Variants in ANKFY1 observed in about 807,000 individuals in gnomAD.
The protein encoded by ANKFY1 is ankyrin repeat and FYVE domain-containing protein 1.
Under a neutral mutation model 128.3 loss-of-function variants are expected in ANKFY1, and 47 were observed. The ratio of observed to expected loss-of-function variants is 0.37; its 90% CI spans 0.29 to 0.47. The LOEUF is 0.47. Among genes scored for constraint, ANKFY1 ranks in the 20% least tolerant of loss-of-function variants. The pLI is 1.00. For synonymous variants in ANKFY1, 553 were observed against 601.6 expected (o/e 0.92, Z 1.18); for missense variants, 1,222 against 1,510.6 (o/e 0.81, Z 3.17).
intron 11 of ANKFY1, among the ~76,000 whole-genome samples, chr17:4,185,985 A>C (rs918355958): frequency 5.3e-5 from 8 of 152,140 alleles, no homozygotes; most frequent in Non-Finnish European, 7.3e-5. Context: ...TACTTTTAAA[A>C]GTTAAAAATA....
intron 3 of ANKFY1, among the ~76,000 whole-genome samples, chr17:4,224,065 A>G (rs11650720): frequency 6.6e-6 from 1 of 152,016 alleles, no homozygotes; most frequent in Non-Finnish European, 1.5e-5. Context: ...TTTTTAAAAC[A>G]TAGTTACCTT....
At chr17:4,182,400 C>A in intron 14 of ANKFY1, 51 bp from the exon 15 acceptor site, 1 of 1,442,350 alleles carries the variant, frequency 6.9e-7, no homozygotes, top group South Asian at 1.6e-5. Context: ...ACCCAAAGCA[C>A]AGAAGGTGCC....
intron 10 of ANKFY1, among the ~76,000 whole-genome samples, chr17:4,192,125 C>G (rs2059727995): frequency 7.7e-6 from 1 of 129,036 alleles, no homozygotes; most frequent in Non-Finnish European, 1.7e-5. Flanking sequence ...TTGATGGTTA[C>G]TCTAATCTGG....
intron 8 of ANKFY1, among the ~76,000 whole-genome samples, chr17:4,195,858 C>A (rs916214741): frequency 6.6e-6 from 1 of 152,072 alleles, no homozygotes; most frequent in East Asian, 1.9e-4. Flanking sequence ...TCTTCTCAAA[C>A]ACACTCAGAG....
At chr17:4,223,433 T>A (rs895980219) in intron 3 of ANKFY1, 1 of 1,324,756 alleles carries the variant, frequency 7.5e-7, no homozygotes, top group Non-Finnish European at 1.1e-6. Flanking sequence ...TGCTAGGAAC[T>A]GTATCACTGA....
intron 17 of ANKFY1, chr17:4,179,494 T>C (rs531865129): frequency 1.7e-5 from 10 of 588,562 alleles, no homozygotes; most frequent in East Asian, 8.6e-5. Context: ...TAAGGGGGAA[T>C]AGGAGGCAAA....
chr17:4,237,637 T>A (rs1323642938), intron 2 of ANKFY1, among the ~76,000 whole-genome samples: 1 of 152,206 alleles, frequency 6.6e-6, no homozygotes, highest in Non-Finnish European at 1.5e-5. Context: ...ACCACATTCA[T>A]GAATGTCAGG....
At chr17:4,246,157 A>C (rs1031040410) in intron 1 of ANKFY1, among the ~76,000 whole-genome samples, 10 of 152,244 alleles carry the variant, frequency 6.6e-5, no homozygotes, top group African/African-American at 1.9e-4. Context: ...TAGGGGATAC[A>C]AATGGAGTGT....
At chr17:4,227,972 A>G (rs2060452496) in intron 3 of ANKFY1, among the ~76,000 whole-genome samples, 1 of 152,212 alleles carries the variant, frequency 6.6e-6, no homozygotes, top group Non-Finnish European at 1.5e-5. Flanking sequence ...GTTTCTTAAC[A>G]TTAAACAGTC....
intron 11 of ANKFY1, among the ~76,000 whole-genome samples, chr17:4,185,787 A>C (rs2059600591): frequency 6.6e-6 from 1 of 152,196 alleles, no homozygotes; most frequent in Admixed American, 6.5e-5. Flanking sequence ...ACGACAGAAC[A>C]ATAACAAGCT....
At chr17:4,180,030 G>T in intron 16 of ANKFY1, 153 bp from the exon 17 acceptor site, 1 of 938,722 alleles carries the variant, frequency 1.1e-6, no homozygotes, top group Non-Finnish European at 1.6e-6. Flanking sequence ...AAATACCAGA[G>T]TCGGGGTTCC....
chr17:4,212,566 G>GA (rs1328188005), intron 4 of ANKFY1, among the ~76,000 whole-genome samples: 1 of 152,182 alleles, frequency 6.6e-6, no homozygotes, highest in Non-Finnish European at 1.5e-5. Context: ...CTTTACTAAG[G>GA]AAAAATCACA....
In ANKFY1 at chr17:4,197,502, G is replaced by A; in HGVS notation, c.974C>T (p.Thr325Ile). ...VNAATLGAQE[T>I]PLHLVALYSS... ...GTACAAGGCCACAAGGTGCAGTGGT[G>A]TCTCCTGGGCACCCAGTGTAGCAGC... Residue 325 changes from threonine (T) to isoleucine (I), a missense_variant, in exon 8 of 25, where the codon ACA (threonine) becomes ATA (isoleucine). Thr to Ile is a moderately conservative substitution (Grantham distance 89). Coordinates refer to ENST00000341657, the MANE Select transcript of ANKFY1 (RefSeq NM_001330063.2). 2 of 1,614,202 alleles carry A rather than the reference G, an allele frequency of 1.2e-6. No homozygotes were observed. Among genetic ancestry groups the A allele is most frequent in the Non-Finnish European group, 1.7e-6 (2 of 1,180,044 alleles).
intron 1 of ANKFY1, among the ~76,000 whole-genome samples, chr17:4,254,742 C>T (rs1348951245): frequency 1.3e-5 from 2 of 152,192 alleles, no homozygotes; most frequent in Non-Finnish European, 2.9e-5. Flanking sequence ...GTGTCAACAT[C>T]ATTCTATGGA....
rs529196360 is a variant in ANKFY1 at position 4,170,939 on chromosome 17, C to G, written c.3140-78G>C. The G allele has an allele frequency of 2.6e-4, 417 of 1,601,504 alleles. 3 individuals carry two copies. In the African/African-American group the frequency reaches 4.9e-3, roughly 19 times the overall value. On this transcript the variant is annotated intron_variant, in intron 22 of 24. Transcript: ENST00000341657. The stretch of plus-strand genomic sequence containing the variant: ...GCCACAGACGGAGGGCGGAGGACAG[C>G]CAAGGGCAGAACAGACCGCTGGCAG...
chr17:4,263,819 G>C, intron 1 of ANKFY1, 113 bp downstream of exon 1: 5 of 1,608,374 alleles, frequency 3.1e-6, no homozygotes, highest in Non-Finnish European at 3.4e-6. Context: ...CGCGAGACCC[G>C]CGGAGCCCCC....
At chr17:4,172,071 C>T (rs926608925) in intron 22 of ANKFY1, among the ~76,000 whole-genome samples, 1 of 152,212 alleles carries the variant, frequency 6.6e-6, no homozygotes, top group Non-Finnish European at 1.5e-5. Flanking sequence ...CGAATGAACA[C>T]AGTGATCACG....
chr17:4,241,099 T>C (rs1967187463), intron 2 of ANKFY1, among the ~76,000 whole-genome samples: 1 of 152,188 alleles, frequency 6.6e-6, no homozygotes, highest in Non-Finnish European at 1.5e-5. Flanking sequence ...GCGCTTACTA[T>C]GTGCTATGCA....
At position 4,167,501 on chromosome 17, in the gene ANKFY1, G is replaced by A; in HGVS notation, c.*278C>T. 3.4e-6 allele frequency: 1 copy of A among 291,492 alleles called. No homozygotes were observed. The highest frequency in any genetic ancestry group is 6.3e-6 in the Non-Finnish European group (1 of 157,736). 18.1% of individuals were successfully genotyped at this position (291,492 alleles called of 1,614,324 possible). A position where few individuals can be genotyped will look rare whatever the true frequency, so the allele number is the denominator to read the frequency against. ...TCCCTGTATGTTGCTAGCAGAATGGGGAGAGGTCTAATTCCTAATCACATT... is the reference window on the plus strand; with the variant it reads ...TCCCTGTATGTTGCTAGCAGAATGGAGAGAGGTCTAATTCCTAATCACATT... On this transcript the variant is annotated 3_prime_UTR_variant, in exon 25 of 25. Coordinates refer to ENST00000341657, the MANE Select transcript of ANKFY1 (RefSeq NM_001330063.2). This position sits in a 1 kb window ranked among gnomAD's most constrained non-coding sequence, Gnocchi z 4.1.
Sources: gnomAD v4.1 joint callset for allele counts (sites outside exome capture counted in the v4.1 genomes callset) on GRCh38, gnomAD v4.1.1 for gene constraint, Gnocchi (gnomAD v3.1) non-coding constraint, MANE v1.5 for transcripts, NCBI Gene and HGNC (gene_info 2026-07-23, HGNC 2026-07-21) for gene names.